The following ABCG2 variants were observed in gnomAD, a reference collection of about 807,000 sequenced individuals.
The protein encoded by ABCG2 is broad substrate specificity ATP-binding cassette transporter ABCG2.
ABCG2 carries 80 observed loss-of-function variants against 73.5 expected under a neutral mutation model. The observed-to-expected ratio is 1.09, with a 90% CI of 0.91 to 1.31. ABCG2 has a LOEUF of 1.31. ABCG2 is among the 50% of genes most tolerant of loss of function. The pLI, the probability that ABCG2 is intolerant of heterozygous loss-of-function variation, is 0.00. For synonymous variants in ABCG2, 269 were observed against 282.4 expected (o/e 0.95, Z 0.48); for missense variants, 796 against 786.2 (o/e 1.01, Z -0.15).
At position 88,094,654 on chromosome 4, in the gene ABCG2, C is replaced by T. The variant is rs751988165; in HGVS notation, c.1743G>A (p.Leu581=). The part of the protein sequence containing the change: ...FSIPRYGFTA[L]QHNEFLGQNF... ...TTTGTCCCAAAAATTCATTATGCTG[C>T]AAAGCCTATAACACAAGTGGGAGCA... The change falls in exon 15 of 16, where the codon TTG becomes TTA. Residue 581 remains leucine (L), a synonymous_variant. Transcript: ENST00000237612. 1.2e-6 allele frequency: 2 copies of T among 1,613,322 alleles called. No homozygotes were observed. Among genetic ancestry groups the T allele is most frequent in the South Asian group, 1.1e-5 (1 of 91,058 alleles).
rs764484211 is a variant in ABCG2, at chr4:88,131,952, C to A, written c.264-35G>T. On this transcript the variant is annotated intron_variant, in intron 3 of 15. Coordinates refer to ENST00000237612, the MANE Select transcript of ABCG2 (RefSeq NM_004827.3). ...GACATATATGTTGTGGGTCTAATAA[C>A]CTATAAGAGAATATATATGTTGTGG... The A allele has an allele frequency of 3.3e-6, 5 of 1,494,624 alleles. No homozygotes were observed. In the East Asian group the frequency reaches 1.1e-4, roughly 34 times the overall value. 92.6% of individuals were successfully genotyped at this position (1,494,624 alleles called of 1,614,324 possible). A position where few individuals can be genotyped will look rare whatever the true frequency, so the allele number is the denominator to read the frequency against.
chr4:88,227,700 T>G (rs370665403), intron 1 of ABCG2, among the ~76,000 whole-genome samples: 1 of 152,160 alleles, frequency 6.6e-6, no homozygotes, highest in South Asian at 2.1e-4. Context: ...TGTCAAATAT[T>G]TTTTTCCTGG....
chr4:88,118,324 T>A, intron 6 of ABCG2, 64 bp from the exon 7 acceptor site: 1 of 1,541,722 alleles, frequency 6.5e-7, no homozygotes, highest in Non-Finnish European at 8.9e-7. Flanking sequence ...CTCAGTAAAA[T>A]ACTCTATTCT....
At chr4:88,212,872 G>T (rs892314037) in intron 1 of ABCG2, among the ~76,000 whole-genome samples, 2 of 152,090 alleles carry the variant, frequency 1.3e-5, no homozygotes, top group Admixed American at 6.6e-5. Context: ...AAACACATAA[G>T]AATAATAAAT....
upstream of ABCG2, chr4:88,163,971 C>G (rs1232693336): frequency 1.3e-5 from 2 of 153,556 alleles, no homozygotes; most frequent in Non-Finnish European, 2.9e-5. Context: ...GAACTAACCA[C>G]TGAGCATCAA....
At position 88,202,374 on chromosome 4, in the gene ABCG2, A is replaced by ATATATATATATATATATATATG. The variant is rs1240795047; in HGVS notation, c.-20+28619_-20+28620insCATATATATATATATATATATA. On this transcript the variant is annotated intron_variant, in intron 1 of 15. Transcript: ENST00000515655. ...ATTATTTATATATATATATATATAT[A>ATATATATATATATATATATATG]TATGTATATTTTAATTAGCTGGGCA... is the stretch of plus-strand genomic sequence containing the variant. 1.2e-3 allele frequency among the ~76,000 whole-genome samples: 136 copies of ATATATATATATATATATATATG among 115,740 alleles called. 2 individuals carry two copies. The highest frequency in any genetic ancestry group is 4.7e-3 in the Middle Eastern group (1 of 212). The allele number at this position is 115,740 out of a possible 152,430, so 75.9% of individuals were successfully genotyped here.
chr4:88,131,926 G>C lies in ABCG2; in HGVS notation c.264-9C>G. 1 of 1,594,210 alleles carries C rather than the reference G, an allele frequency of 6.3e-7. No homozygotes were observed. The highest frequency in any genetic ancestry group is 1.1e-5 in the South Asian group (1 of 90,546). On this transcript the variant is annotated splice_polypyrimidine_tract_variant and intron_variant, in intron 3 of 15. Coordinates refer to ENST00000237612, the MANE Select transcript of ABCG2 (RefSeq NM_004827.3). Reference sequence around the variant, plus strand: ...CTAAGACATCTAATAACCTATAAGAGGACATATATGTTGTGGGTCTAATAA... The same window carrying C: ...CTAAGACATCTAATAACCTATAAGACGACATATATGTTGTGGGTCTAATAA...
chr4:88,192,316 A>G (rs1294070967), intron 1 of ABCG2, among the ~76,000 whole-genome samples: 1 of 152,166 alleles, frequency 6.6e-6, no homozygotes, highest in Non-Finnish European at 1.5e-5. Context: ...ATACTATTCT[A>G]TATGTTTATT....
At chr4:88,181,775 A>C (rs1432934816) in intron 1 of ABCG2, among the ~76,000 whole-genome samples, 4 of 152,202 alleles carry the variant, frequency 2.6e-5, no homozygotes, top group African/African-American at 4.8e-5. Flanking sequence ...CCTCAGATCA[A>C]AAAAGATAAA....
At chr4:88,135,021 A>G (rs1725146367) in intron 2 of ABCG2, among the ~76,000 whole-genome samples, 1 of 152,190 alleles carries the variant, frequency 6.6e-6, no homozygotes, top group African/African-American at 2.4e-5. Flanking sequence ...TCATTCCCTT[A>G]CATATTACCT....
At chr4:88,101,077 T>A (rs930138885) in intron 11 of ABCG2, among the ~76,000 whole-genome samples, 153 bp downstream of exon 11, 8 of 152,200 alleles carry the variant, frequency 5.3e-5, no homozygotes, top group African/African-American at 1.9e-4. Flanking sequence ...ATGATCAATA[T>A]ATACAATTTT....
chr4:88,107,136 G>A, intron 10 of ABCG2, 48 bp downstream of exon 10: 1 of 1,360,726 alleles, frequency 7.3e-7, no homozygotes. Context: ...CAATAAGCTT[G>A]AAGAAAGTAA....
At chr4:88,144,173 T>C (rs141947434) in intron 1 of ABCG2, among the ~76,000 whole-genome samples, 12 of 152,328 alleles carry the variant, frequency 7.9e-5, no homozygotes, top group East Asian at 3.9e-4. Flanking sequence ...GGCTAATCCA[T>C]TTCTTTTTCT....
intron 1 of ABCG2, among the ~76,000 whole-genome samples, chr4:88,180,454 GGC>G (rs1161579139): frequency 6.6e-6 from 1 of 152,160 alleles, no homozygotes; most frequent in Non-Finnish European, 1.5e-5. Flanking sequence ...AAAAAACGTT[GGC>G]CAGGTACAGT....
chr4:88,189,235 C>T (rs1728586736), intron 1 of ABCG2, among the ~76,000 whole-genome samples: 1 of 151,982 alleles, frequency 6.6e-6, no homozygotes, highest in South Asian at 2.1e-4. Context: ...ATTGATTATT[C>T]ATTGCTAGAG....
At chr4:88,122,822 A>G (rs1030817839) in intron 5 of ABCG2, among the ~76,000 whole-genome samples, 1 of 152,222 alleles carries the variant, frequency 6.6e-6, no homozygotes, top group African/African-American at 2.4e-5. Flanking sequence ...GCTAAGGGAC[A>G]GATTGCCTCC....
intron 1 of ABCG2, among the ~76,000 whole-genome samples, chr4:88,153,522 C>T (rs187220589): frequency 0.32 from 38,097 of 118,854 alleles, 7,602 homozygotes; most frequent in East Asian, 0.57. Flanking sequence ...TCCGTTCTAC[C>T]TTTCCTGAAG....
intron 10 of ABCG2, among the ~76,000 whole-genome samples, chr4:88,104,921 A>G (rs1218609975): frequency 1.3e-5 from 2 of 152,210 alleles, no homozygotes; most frequent in African/African-American, 4.8e-5. Context: ...AGTCCTCTTC[A>G]AAGTTCCAGT....
chr4:88,211,607 CG>C (rs1355975716), intron 1 of ABCG2, among the ~76,000 whole-genome samples: 5 of 151,990 alleles, frequency 3.3e-5, no homozygotes, highest in African/African-American at 1.2e-4. Flanking sequence ...TAAGTAGAGA[CG>C]GGGTTTCACT....
Sources: gnomAD v4.1 joint callset for allele counts (sites outside exome capture counted in the v4.1 genomes callset) on GRCh38, gnomAD v4.1.1 for gene constraint, MANE v1.5 for transcripts, NCBI Gene and HGNC (gene_info 2026-07-23, HGNC 2026-07-21) for gene names.